The following LUZP2 variants were observed in gnomAD, a reference collection of about 807,000 sequenced individuals.
The protein encoded by LUZP2 is leucine zipper protein 2.
In LUZP2, 52 loss-of-function variants were observed where a neutral mutation model predicts 51.6. That is an observed-to-expected ratio of 1.01 (90% CI 0.81 to 1.27). The LOEUF is 1.27. Ranked by LOEUF, LUZP2 falls within the 50% of genes most tolerant of loss-of-function variation. The pLI, the probability that LUZP2 is intolerant of heterozygous loss-of-function variation, is 0.00. For missense variants in LUZP2, 436 were observed against 395.4 expected (o/e 1.10, Z -0.87); for synonymous variants, 154 against 137.3 (o/e 1.12, Z -0.85).
chr11:24,718,166 C>T (rs187797597), intron 1 of LUZP2, among the ~76,000 whole-genome samples: 2 of 152,030 alleles, frequency 1.3e-5, no homozygotes, highest in Admixed American at 6.6e-5. Context: ...GTTGTGTGGC[C>T]GAACGATTGA....
At chr11:24,969,565 C>T (rs1334800093) in intron 7 of LUZP2, among the ~76,000 whole-genome samples, 2 of 152,046 alleles carry the variant, frequency 1.3e-5, no homozygotes, top group African/African-American at 4.8e-5. Context: ...TATTACTCTG[C>T]AAAGAGAAAT....
chr11:24,809,016 G>C (rs1275654654), intron 5 of LUZP2, among the ~76,000 whole-genome samples: 1 of 151,906 alleles, frequency 6.6e-6, no homozygotes, highest in East Asian at 1.9e-4. Flanking sequence ...CAGTTCATTT[G>C]GAAAACACAG....
chr11:25,026,757 C>T (rs1857504480), intron 9 of LUZP2, among the ~76,000 whole-genome samples: 1 of 151,932 alleles, frequency 6.6e-6, no homozygotes, highest in Non-Finnish European at 1.5e-5. Flanking sequence ...GACAAGAGTT[C>T]TGTATATAAC....
chr11:25,063,492 C>T (rs1858908897), intron 10 of LUZP2, among the ~76,000 whole-genome samples: 1 of 151,738 alleles, frequency 6.6e-6, no homozygotes, highest in Non-Finnish European at 1.5e-5. Context: ...GAGGAGTCTG[C>T]TTCAGCATGT....
intron 5 of LUZP2, among the ~76,000 whole-genome samples, chr11:24,794,363 G>A (rs1228175069): frequency 6.6e-6 from 1 of 152,226 alleles, no homozygotes; most frequent in East Asian, 1.9e-4. Flanking sequence ...TATTCCAATA[G>A]TGGAGAATGA....
chr11:24,552,294 T>C (rs948936938), intron 1 of LUZP2, among the ~76,000 whole-genome samples: 1 of 151,996 alleles, frequency 6.6e-6, no homozygotes. Context: ...GAAACATAAT[T>C]TGATACATTT....
At chr11:24,808,241 G>A (rs746862387) in intron 5 of LUZP2, among the ~76,000 whole-genome samples, 1 of 152,116 alleles carries the variant, frequency 6.6e-6, no homozygotes, top group Non-Finnish European at 1.5e-5. Context: ...TAAGCCCAAT[G>A]ACTTCCAAGA....
intron 5 of LUZP2, among the ~76,000 whole-genome samples, chr11:24,834,150 C>T (rs766940735): frequency 2.0e-5 from 3 of 151,726 alleles, no homozygotes; most frequent in Non-Finnish European, 4.4e-5. Context: ...CATAGGTATA[C>T]ATGTGCTATG....
At chr11:24,601,896 G>T (rs11028047) in intron 1 of LUZP2, among the ~76,000 whole-genome samples, 1 of 40,230 alleles carries the variant, frequency 2.5e-5, no homozygotes. Context: ...ATGTATATAT[G>T]TATATATGTA....
At chr11:24,663,413 G>A (rs1489892278) in intron 1 of LUZP2, among the ~76,000 whole-genome samples, 3 of 152,068 alleles carry the variant, frequency 2.0e-5, no homozygotes, top group Non-Finnish European at 4.4e-5. Context: ...CATGCTTCCT[G>A]TATAGCCTGT....
At chr11:24,522,432 C>T (rs1850670632) in intron 1 of LUZP2, among the ~76,000 whole-genome samples, 1 of 151,784 alleles carries the variant, frequency 6.6e-6, no homozygotes, top group Non-Finnish European at 1.5e-5. Context: ...ATATGAATAT[C>T]ACTTTGGAGT....
At chr11:24,800,316 A>G (rs1849661883) in intron 5 of LUZP2, among the ~76,000 whole-genome samples, 1 of 152,076 alleles carries the variant, frequency 6.6e-6, no homozygotes. Context: ...TTGCCACGCT[A>G]GATTGTCTGT....
At chr11:24,814,764 G>T (rs1479511670) in intron 5 of LUZP2, among the ~76,000 whole-genome samples, 1 of 152,078 alleles carries the variant, frequency 6.6e-6, no homozygotes, top group Non-Finnish European at 1.5e-5. Flanking sequence ...AGGCCAAGGC[G>T]GGTGGATCAC....
intron 4 of LUZP2, among the ~76,000 whole-genome samples, chr11:24,754,905 C>T (rs752744364): frequency 9.2e-5 from 14 of 152,196 alleles, no homozygotes; most frequent in Middle Eastern, 6.8e-3. Flanking sequence ...CAGCATTTTG[C>T]GGGGGCGAGG....
intron 9 of LUZP2, among the ~76,000 whole-genome samples, chr11:24,998,092 T>TG (rs1214295647): frequency 5.9e-5 from 9 of 152,162 alleles, no homozygotes; most frequent in Non-Finnish European, 1.3e-4. Flanking sequence ...AGGATTGACT[T>TG]GGCGATGCGG....
chr11:24,538,448 G>A, intron 1 of LUZP2, among the ~76,000 whole-genome samples: 1 of 151,558 alleles, frequency 6.6e-6, no homozygotes, highest in East Asian at 1.9e-4. Context: ...GACTGCTATT[G>A]GGCACATACT....
intron 10 of LUZP2, among the ~76,000 whole-genome samples, chr11:25,058,932 G>A (rs1590885420): frequency 6.6e-6 from 1 of 152,126 alleles, no homozygotes; most frequent in South Asian, 2.1e-4. Flanking sequence ...TGGCATCATA[G>A]AAAAATTCAG....
At chr11:24,903,351 GA>G in intron 5 of LUZP2, among the ~76,000 whole-genome samples, 1 of 152,230 alleles carries the variant, frequency 6.6e-6, no homozygotes, top group African/African-American at 2.4e-5. Context: ...TCATGGTATT[GA>G]AATTCTAACT....
In LUZP2 at chr11:24,746,887, A is replaced by C. The variant is rs76383013; in HGVS notation, c.333+8585A>C. ...ATTTGCATTTCTATAAGTATGTCCAATGTTTCCTGAAGTTTTGATTGTTTT... is the reference window on the plus strand; with the variant it reads ...ATTTGCATTTCTATAAGTATGTCCACTGTTTCCTGAAGTTTTGATTGTTTT... On this transcript the variant is annotated intron_variant, in intron 4 of 11. Coordinates refer to ENST00000336930, the MANE Select transcript of LUZP2 (RefSeq NM_001009909.4). 5.9e-5 allele frequency among the ~76,000 whole-genome samples: 9 copies of C among 152,214 alleles called. No individual in the cohort carries two copies. The East Asian group carries it at 1.2e-3, about 20-fold the overall frequency.
Sources: allele counts gnomAD v4.1 joint callset (sites outside exome capture counted in the v4.1 genomes callset), GRCh38; gene constraint gnomAD v4.1.1; transcripts MANE v1.5; gene names NCBI Gene and HGNC (gene_info 2026-07-23, HGNC 2026-07-21).